The following STX17 variants were observed in gnomAD, a reference collection of about 807,000 sequenced individuals.
The protein encoded by STX17 is syntaxin 17.
STX17 carries 29 observed loss-of-function variants against 35.9 expected under a neutral mutation model. The ratio of observed to expected loss-of-function variants is 0.81; its 90% CI spans 0.60 to 1.10. STX17 has a LOEUF of 1.10. Ranked by LOEUF, STX17 falls within the 50% of genes least tolerant of loss-of-function variation. The pLI is 0.00. For synonymous variants in STX17, 92 were observed against 118.3 expected, an observed-to-expected ratio of 0.78 and a Z score of 1.44; for missense variants, 312 against 352.3, an observed-to-expected ratio of 0.89 and a Z score of 0.92.
At chr9:99,928,078 A>AT (rs1829026360) in intron 2 of STX17, among the ~76,000 whole-genome samples, 1 of 152,164 alleles carries the variant, frequency 6.6e-6, no homozygotes, top group Admixed American at 6.6e-5. Context: ...ATCTGCTAAC[A>AT]TTTTAATTAT....
intron 3 of STX17, among the ~76,000 whole-genome samples, chr9:99,940,854 C>A (rs1829344344): frequency 6.6e-6 from 1 of 152,184 alleles, no homozygotes; most frequent in African/African-American, 2.4e-5. Flanking sequence ...GCTATGGCAT[C>A]ATACAGCTTT....
chr9:99,929,095 C>T (rs534940535), intron 3 of STX17: 10 of 309,502 alleles, frequency 3.2e-5, no homozygotes, highest in African/African-American at 1.7e-4. Flanking sequence ...TTGTAAAATC[C>T]TTTAACATTG....
intron 1 of STX17, among the ~76,000 whole-genome samples, chr9:99,914,599 A>G (rs1258663181): frequency 6.6e-6 from 1 of 152,214 alleles, no homozygotes; most frequent in African/African-American, 2.4e-5. Context: ...TAATCACTTT[A>G]TTGAAAATGG....
intron 3 of STX17, among the ~76,000 whole-genome samples, chr9:99,935,621 A>T (rs968704604): frequency 9.2e-5 from 14 of 152,198 alleles, no homozygotes; most frequent in Non-Finnish European, 2.1e-4. Context: ...GAGAGCAGAG[A>T]GAGATTTTTT....
intron 6 of STX17, among the ~76,000 whole-genome samples, chr9:99,962,781 A>ATG (rs1380589321): frequency 2.0e-5 from 3 of 152,200 alleles, no homozygotes; most frequent in Non-Finnish European, 4.4e-5. Flanking sequence ...CAGAATGCTA[A>ATG]TAAGCAAAAG....
chr9:99,925,261 A>G (rs902440039), intron 2 of STX17, among the ~76,000 whole-genome samples: 2 of 152,070 alleles, frequency 1.3e-5, no homozygotes, highest in Non-Finnish European at 2.9e-5. Context: ...TTCTAACAGT[A>G]TACTTCTAGG....
At chr9:99,935,257 G>T (rs1829206924) in intron 3 of STX17, among the ~76,000 whole-genome samples, 1 of 146,210 alleles carries the variant, frequency 6.8e-6, no homozygotes, top group South Asian at 2.2e-4. Context: ...GTGAACCCAG[G>T]AGGAGGAGCT....
At chr9:99,958,830 A>T (rs1829767202) in intron 4 of STX17, among the ~76,000 whole-genome samples, 1 of 152,246 alleles carries the variant, frequency 6.6e-6, no homozygotes, top group African/African-American at 2.4e-5. Context: ...TTAATTCATC[A>T]TCATAGCAGT....
At chr9:99,956,859 T>C (rs1290688123) in intron 4 of STX17, among the ~76,000 whole-genome samples, 1 of 152,252 alleles carries the variant, frequency 6.6e-6, no homozygotes, top group African/African-American at 2.4e-5. Flanking sequence ...TAATGCAGTT[T>C]TATAAAATAC....
chr9:99,941,390 A>C (rs1476872480), intron 3 of STX17, among the ~76,000 whole-genome samples: 1 of 152,214 alleles, frequency 6.6e-6, no homozygotes, highest in Non-Finnish European at 1.5e-5. Flanking sequence ...CAAATGCTTC[A>C]ACCTCGTTTC....
chr9:99,926,877 A>G (rs1240133602), intron 2 of STX17, among the ~76,000 whole-genome samples: 1 of 152,288 alleles, frequency 6.6e-6, no homozygotes, highest in African/African-American at 2.4e-5. Context: ...ACAGAGAGCA[A>G]TACTTTGGAG....
chr9:99,934,466 TC>T (rs1829186311), intron 3 of STX17, among the ~76,000 whole-genome samples: 2 of 152,200 alleles, frequency 1.3e-5, no homozygotes, highest in South Asian at 4.1e-4. Context: ...ATATATTCTT[TC>T]TGGTGACTTT....
intron 2 of STX17, among the ~76,000 whole-genome samples, chr9:99,923,137 T>A (rs1056653735): frequency 1.2e-4 from 19 of 152,084 alleles, no homozygotes; most frequent in African/African-American, 4.3e-4. Flanking sequence ...TCTTCCAACT[T>A]TTATTTTAGG....
intron 4 of STX17, among the ~76,000 whole-genome samples, chr9:99,959,047 G>A (rs991633820): frequency 2.6e-5 from 4 of 152,172 alleles, no homozygotes; most frequent in Non-Finnish European, 5.9e-5. Flanking sequence ...AACACCTTCT[G>A]TATCTGGTAT....
chr9:99,907,978 C>T (rs1433601004), intron 1 of STX17, among the ~76,000 whole-genome samples: 1 of 152,142 alleles, frequency 6.6e-6, no homozygotes, highest in Non-Finnish European at 1.5e-5. Flanking sequence ...TGTCTTTATA[C>T]TCTTTCTGAT....
intron 2 of STX17, among the ~76,000 whole-genome samples, chr9:99,926,582 C>G (rs185785583): frequency 2.2e-4 from 33 of 152,064 alleles, no homozygotes; most frequent in Non-Finnish European, 4.0e-4. Context: ...ACTGCAAGCT[C>G]TGCCTCCTAG....
intron 2 of STX17, 95 bp downstream of exon 2, chr9:99,915,457 G>T (rs904022060): frequency 2.1e-6 from 3 of 1,434,902 alleles, no homozygotes; most frequent in Non-Finnish European, 2.8e-6. Context: ...TAGATAAGAG[G>T]CATTGCTGAA....
chr9:99,942,691 A>G (rs1464207522), intron 3 of STX17, among the ~76,000 whole-genome samples: 1 of 152,094 alleles, frequency 6.6e-6, no homozygotes, highest in Non-Finnish European at 1.5e-5. Context: ...TCTACAGTCC[A>G]TCTGGTTGAT....
At chr9:99,965,271 T>C (rs1186472791) in intron 6 of STX17, among the ~76,000 whole-genome samples, 1 of 152,232 alleles carries the variant, frequency 6.6e-6, no homozygotes, top group Non-Finnish European at 1.5e-5. Flanking sequence ...AATTTTGCTT[T>C]AATTTTTAAA....
Sources: gnomAD v4.1 joint callset for allele counts (sites outside exome capture counted in the v4.1 genomes callset) on GRCh38, gnomAD v4.1.1 for gene constraint, MANE v1.5 for transcripts, NCBI Gene and HGNC (gene_info 2026-07-23, HGNC 2026-07-21) for gene names.